The following ASXL3 variants were observed in gnomAD, a reference collection of about 807,000 sequenced individuals.
The protein encoded by ASXL3 is ASXL transcriptional regulator 3.
A neutral mutation model predicts 170.6 loss-of-function variants in ASXL3; 34 were observed. The observed-to-expected ratio is 0.20, with a 90% CI of 0.15 to 0.27. The LOEUF (loss-of-function observed/expected upper bound fraction) is 0.27. Among genes scored for constraint, ASXL3 ranks in the 10% least tolerant of loss-of-function variants. The pLI is 1.00. For synonymous variants in ASXL3, 1,002 were observed against 989.1 expected (o/e 1.01, Z -0.24); for missense variants, 2,592 against 2,695.3 (o/e 0.96, Z 0.85).
chr18:33,633,924 TA>T (rs1046535350), intron 2 of ASXL3, among the ~76,000 whole-genome samples: 2 of 151,506 alleles, frequency 1.3e-5, no homozygotes, highest in Admixed American at 6.6e-5. Flanking sequence ...TATAGAATAT[TA>T]AGAGCAAAAA....
chr18:33,646,273 G>A lies in ASXL3; in HGVS notation c.275G>A (p.Gly92Asp). 3 of 1,611,318 alleles carry A rather than the reference G, an allele frequency of 1.9e-6. No homozygotes were observed. Among genetic ancestry groups the A allele is most frequent in the Non-Finnish European group, 2.5e-6 (3 of 1,178,112 alleles). The part of the protein sequence containing the change: ...KKEESSCPAD[G>D]TLDLVCESEL... ...GAGGAGTCGTCATGCCCAGCAGATG[G>A]CACGTTGGATTTAGTCTGTGAATCT... is the stretch of plus-strand genomic sequence containing the variant. The change falls in exon 4 of 12, where the codon GGC becomes GAC. Residue 92 changes from glycine to aspartate, a missense_variant. By Grantham distance (94) the Gly-to-Asp change is moderately conservative (BLOSUM62 -1). Coordinates refer to ENST00000269197, the MANE Select transcript of ASXL3 (RefSeq NM_030632.3).
chr18:33,603,644 G>A (rs2065209966), intron 1 of ASXL3, among the ~76,000 whole-genome samples: 1 of 152,024 alleles, frequency 6.6e-6, no homozygotes. Flanking sequence ...AGCTAGTTGT[G>A]TGTTTGCTTT....
At chr18:33,698,973 T>C (rs2066823296) in intron 8 of ASXL3, among the ~76,000 whole-genome samples, 1 of 152,094 alleles carries the variant, frequency 6.6e-6, no homozygotes, top group Non-Finnish European at 1.5e-5. Context: ...GTTGCTTCAC[T>C]AAAATAATAC....
intron 9 of ASXL3, among the ~76,000 whole-genome samples, chr18:33,732,732 A>G (rs1260781925): frequency 6.6e-6 from 1 of 151,960 alleles, no homozygotes; most frequent in Non-Finnish European, 1.5e-5. Context: ...GTGCATACCT[A>G]TAGTCTTCAG....
Position 33,748,594 on chromosome 18 carries a change from C to G in ASXL3, c.*1999C>G, listed in dbSNP as rs929558983. 1 of 152,258 alleles carries G rather than the reference C, an allele frequency of 6.6e-6. No homozygotes were observed. The highest frequency in any genetic ancestry group is 1.5e-5 in the Non-Finnish European group (1 of 68,060). The allele number at this position is 152,258 out of a possible 1,614,324, so 9.4% of individuals were successfully genotyped here. On this transcript the variant is annotated 3_prime_UTR_variant, in exon 12 of 12. Coordinates refer to ENST00000269197, the MANE Select transcript of ASXL3 (RefSeq NM_030632.3). ...TAAGTTCCAGTGGATCCTTAGTTTT[C>G]TCTTCACTGCCTGCCAGGTTGTGTT...
chr18:33,672,774 A>T (rs2066364694), intron 7 of ASXL3, among the ~76,000 whole-genome samples: 1 of 152,102 alleles, frequency 6.6e-6, no homozygotes, highest in Admixed American at 6.6e-5. Context: ...AAAATTCAAG[A>T]TTTTATCTGA....
chr18:33,710,473 T>C (rs2067039268), intron 8 of ASXL3, among the ~76,000 whole-genome samples: 1 of 152,234 alleles, frequency 6.6e-6, no homozygotes, highest in South Asian at 2.1e-4. Flanking sequence ...AGTTTTCTCT[T>C]TCAGTGGGTC....
At chr18:33,732,860 CAAAAA>C (rs58760847) in intron 9 of ASXL3, among the ~76,000 whole-genome samples, 6 of 134,594 alleles carry the variant, frequency 4.5e-5, no homozygotes, top group Admixed American at 1.5e-4. Flanking sequence ...CACCCTGTCT[CAAAAA>C]AAAAAAAAAA....
At chr18:33,611,299 G>A in intron 2 of ASXL3, among the ~76,000 whole-genome samples, 1 of 151,894 alleles carries the variant, frequency 6.6e-6, no homozygotes, top group South Asian at 2.1e-4. Flanking sequence ...TTGTCAGAAG[G>A]ACATGTGGTT....
chr18:33,611,102 A>C (rs2065329959), intron 2 of ASXL3, among the ~76,000 whole-genome samples: 1 of 152,046 alleles, frequency 6.6e-6, no homozygotes, highest in Admixed American at 6.6e-5. Flanking sequence ...CCTCTTTACA[A>C]CTGACACTTT....
rs184392795 is a variant in ASXL3, at chr18:33,709,540, T to A, written c.880-22428T>A. ...TAACTGCCCAATACAAAAGTGTATG[T>A]ACTGTGTAATTCCATTTTTATAAAG... On this transcript the variant is annotated intron_variant, in intron 8 of 11. Transcript: ENST00000269197. Among the ~76,000 whole-genome samples the A allele has an allele frequency of 2.6e-5, 4 of 152,316 alleles. No individual in the cohort carries two copies. In the East Asian group the frequency reaches 7.7e-4, roughly 29 times the overall value.
At chr18:33,656,150 G>A (rs1165195749) in intron 4 of ASXL3, among the ~76,000 whole-genome samples, 1 of 151,996 alleles carries the variant, frequency 6.6e-6, no homozygotes, top group African/African-American at 2.4e-5. Context: ...TTCTAACAAT[G>A]TACCACAGTG....
chr18:33,740,304 C>A lies in ASXL3; in HGVS notation c.2900C>A (p.Ala967Glu), dbSNP rs537196165. The change falls in exon 11 of 12, where the codon GCA becomes GAA. Residue 967 changes from alanine to glutamate, a missense_variant. Ala to Glu is a moderately radical substitution (Grantham distance 107). Coordinates refer to ENST00000269197, the MANE Select transcript of ASXL3 (RefSeq NM_030632.3). The part of the protein sequence containing the change: ...RDSEISKRKT[A>E]EQHSFGICKE... ...TCAGAGATATCAAAGAGAAAAACTG[C>A]AGAGCAACACAGCTTTGGAATCTGT... 1 of 1,611,666 alleles carries A rather than the reference C, an allele frequency of 6.2e-7. No homozygotes were observed. Among genetic ancestry groups the A allele is most frequent in the African/African-American group, 1.3e-5 (1 of 74,978 alleles).
At chr18:33,724,617 AGT>A (rs2067316839) in intron 8 of ASXL3, among the ~76,000 whole-genome samples, 1 of 152,118 alleles carries the variant, frequency 6.6e-6, no homozygotes, top group African/African-American at 2.4e-5. Flanking sequence ...AAAGTATAAA[AGT>A]GTGGGAAATA....
intron 7 of ASXL3, among the ~76,000 whole-genome samples, chr18:33,677,381 T>C (rs2066446012): frequency 6.6e-6 from 1 of 152,158 alleles, no homozygotes; most frequent in South Asian, 2.1e-4. Context: ...AAAACCTGTA[T>C]TATACCATTT....
At chr18:33,677,060 A>G (rs1351735282) in intron 7 of ASXL3, among the ~76,000 whole-genome samples, 1 of 152,216 alleles carries the variant, frequency 6.6e-6, no homozygotes. Flanking sequence ...TAAGAGTTTA[A>G]AAAGTGCTTG....
intron 2 of ASXL3, 58 bp downstream of exon 2, chr18:33,607,734 T>G: frequency 7.7e-7 from 1 of 1,294,268 alleles, no homozygotes. Context: ...TGCCACTCGT[T>G]GCTAAGCGAT....
At chr18:33,736,065 C>T (rs1386354302) in intron 10 of ASXL3, among the ~76,000 whole-genome samples, 1 of 152,118 alleles carries the variant, frequency 6.6e-6, no homozygotes, top group East Asian at 1.9e-4. Flanking sequence ...ATTTTTTTAA[C>T]TTAGGAAGCT....
At position 33,739,750 on chromosome 18, in the gene ASXL3, G is replaced by T; in HGVS notation, c.2346G>T (p.Gln782His). ...TATCTGAAGAGCCACTCTCCCCGCA[G>T]AAAGATGAGTCTTCCGCCACTGCCA... ...PSVSEEPLSP[Q>H]KDESSATAKP... Residue 782 changes from glutamine (Q) to histidine (H), a missense_variant, in exon 11 of 12, where the codon CAG (glutamine) becomes CAT (histidine). By Grantham distance (24) the Gln-to-His change is conservative. This residue lies in a region of ASXL3 where 2,246 missense variants were observed against 2,219.6 expected (regional missense o/e 1.01). Coordinates refer to ENST00000269197, the MANE Select transcript of ASXL3 (RefSeq NM_030632.3). 1 of 1,613,822 alleles carries T rather than the reference G, an allele frequency of 6.2e-7. No homozygotes were observed.
Sources: gnomAD v4.1 joint callset for allele counts (sites outside exome capture counted in the v4.1 genomes callset) on GRCh38, gnomAD v4.1.1 for gene constraint, gnomAD v4.1.1 regional missense constraint, MANE v1.5 for transcripts, NCBI Gene and HGNC (gene_info 2026-07-23, HGNC 2026-07-21) for gene names.